Variants in MAST4 observed in about 807,000 individuals in gnomAD.
MAST4 encodes microtubule associated serine/threonine kinase family member 4.
In MAST4, 89 loss-of-function variants were observed where a neutral mutation model predicts 162.7. The observed-to-expected ratio is 0.55, with a 90% CI of 0.46 to 0.65. The LOEUF (loss-of-function observed/expected upper bound fraction) is 0.65. Ranked by LOEUF, MAST4 falls within the 30% of genes least tolerant of loss-of-function variation. The pLI, the probability that MAST4 is intolerant of heterozygous loss-of-function variation, is 0.00. For missense variants in MAST4, 3,153 were observed against 3,374.0 expected, an observed-to-expected ratio of 0.93 and a Z score of 1.62; for synonymous variants, 1,479 against 1,361.1, an observed-to-expected ratio of 1.09 and a Z score of -1.91.
intron 4 of MAST4, among the ~76,000 whole-genome samples, chr5:67,038,380 C>T (rs1756302110): frequency 6.6e-6 from 1 of 152,094 alleles, no homozygotes; most frequent in Non-Finnish European, 1.5e-5. Flanking sequence ...AGTCACCCTC[C>T]CTAGACTTCC....
intron 4 of MAST4, chr5:67,001,886 T>A (rs1751339747): frequency 6.6e-6 from 1 of 152,244 alleles, no homozygotes; most frequent in Non-Finnish European, 1.5e-5. Context: ...TCTCATAGTT[T>A]CACATAGCTG....
At chr5:66,968,628 C>T (rs1259504415) in intron 4 of MAST4, among the ~76,000 whole-genome samples, 3 of 152,092 alleles carry the variant, frequency 2.0e-5, no homozygotes, top group African/African-American at 4.8e-5. Context: ...TGTATTATTC[C>T]CTGGGACTCA....
In MAST4 at chr5:67,163,568, C is replaced by T. The variant is rs752380217; in HGVS notation, c.4389C>T (p.Ser1463=). The change falls in exon 29 of 29, where the codon TCC becomes TCT. Residue 1463 remains serine, a synonymous_variant. Coordinates refer to ENST00000403625, the MANE Select transcript of MAST4 (RefSeq NM_001164664.2). This position sits in a 1 kb window ranked among gnomAD's most constrained non-coding sequence, Gnocchi z 7.0. ...GCAGTGACAAGAAGCACCTGTGCTC[C>T]CGCAAGCACAGCCTGGAGGTGACCC... ...SYGSDKKHLC[S]RKHSLEVTQE... is the part of the protein sequence containing the mutation. 1 of 1,594,942 alleles carries T rather than the reference C, an allele frequency of 6.3e-7. No individual in the cohort carries two copies. Among genetic ancestry groups the T allele is most frequent in the African/African-American group, 1.3e-5 (1 of 74,580 alleles).
rs764589271 is a variant in MAST4, at chr5:67,114,097, C to T, written c.1469C>T (p.Pro490Leu). ...ATTGTCTTCGGCTAGGAATTTGATCCGGAAGAATTTTACTACCTATTGGAA... is the reference window on the plus strand; with the variant it reads ...ATTGTCTTCGGCTAGGAATTTGATCTGGAAGAATTTTACTACCTATTGGAA... ...ARLLECLEFD[P>L]EEFYYLLEAA... The change falls in exon 12 of 29, where the codon CCG becomes CTG. Residue 490 changes from proline to leucine, a missense_variant. Physicochemically the swap from Pro to Leu is moderately conservative, Grantham distance 98. Transcript: ENST00000403625. 4.9e-5 allele frequency: 79 copies of T among 1,613,544 alleles called. No homozygotes were observed. Among genetic ancestry groups the T allele is most frequent in the Non-Finnish European group, 6.1e-5 (72 of 1,179,752 alleles).
intron 3 of MAST4, among the ~76,000 whole-genome samples, chr5:66,849,928 A>G (rs1318931531): frequency 1.3e-5 from 2 of 152,208 alleles, no homozygotes; most frequent in Non-Finnish European, 2.9e-5. Context: ...AGGTCTGCTT[A>G]GATGTTAATG....
intron 2 of MAST4, 75 bp downstream of exon 2, chr5:66,759,937 A>G (rs1417697774): frequency 2.6e-6 from 4 of 1,510,418 alleles, no homozygotes; most frequent in East Asian, 2.3e-5. Context: ...AGAGTTCCAC[A>G]TGTAATCAGC....
chr5:66,934,850 C>A (rs1742559275), intron 4 of MAST4, among the ~76,000 whole-genome samples: 1 of 152,128 alleles, frequency 6.6e-6, no homozygotes, highest in Admixed American at 6.5e-5. Context: ...GTAAAAAGGT[C>A]TCTGCCGTCA....
At chr5:67,108,649 A>G (rs1335530113) in intron 10 of MAST4, among the ~76,000 whole-genome samples, 1 of 151,946 alleles carries the variant, frequency 6.6e-6, no homozygotes, top group Non-Finnish European at 1.5e-5. Flanking sequence ...TTTTCCTTTT[A>G]TTTTAATGTC....
intron 4 of MAST4, among the ~76,000 whole-genome samples, chr5:66,978,341 C>G (rs1173239486): frequency 6.6e-6 from 1 of 152,152 alleles, no homozygotes; most frequent in Non-Finnish European, 1.5e-5. Flanking sequence ...TCTAGTTATT[C>G]TGTGTTTTAA....
At chr5:66,822,910 AT>A (rs1296168865) in intron 3 of MAST4, among the ~76,000 whole-genome samples, 1 of 152,186 alleles carries the variant, frequency 6.6e-6, no homozygotes, top group South Asian at 2.1e-4. Context: ...TTGGTATCTT[AT>A]CCCAGCTGAT....
intron 5 of MAST4, among the ~76,000 whole-genome samples, chr5:67,074,542 A>G (rs544448032): frequency 2.6e-5 from 4 of 152,174 alleles, no homozygotes; most frequent in Admixed American, 6.5e-5. Flanking sequence ...GAAACACCCT[A>G]AACATTAAAT....
chr5:66,629,293 A>T (rs1744646748), intron 1 of MAST4, among the ~76,000 whole-genome samples: 1 of 152,172 alleles, frequency 6.6e-6, no homozygotes, highest in Non-Finnish European at 1.5e-5. Context: ...TCTGGTTTTG[A>T]CACTGGTGGT....
intron 3 of MAST4, among the ~76,000 whole-genome samples, chr5:66,826,231 G>A (rs906116005): frequency 2.6e-5 from 4 of 151,354 alleles, no homozygotes; most frequent in African/African-American, 9.7e-5. Flanking sequence ...ACAGGTAATC[G>A]ATATTTTTTC....
At chr5:67,115,625 C>T (rs1766801878) in intron 12 of MAST4, among the ~76,000 whole-genome samples, 1 of 152,214 alleles carries the variant, frequency 6.6e-6, no homozygotes, top group Non-Finnish European at 1.5e-5. Flanking sequence ...AAATTACCAT[C>T]TTTACCTTTT....
Position 66,911,439 on chromosome 5 carries a change from C to A in MAST4, c.674+11457C>A, listed in dbSNP as rs77332492. Among the ~76,000 whole-genome samples the A allele has an allele frequency of 5.4e-3, 820 of 151,904 alleles. 4 individuals are homozygous for A. The highest frequency in any genetic ancestry group is 0.019 in the African/African-American group (770 of 41,412). The stretch of plus-strand genomic sequence containing the variant: ...AGTTCAGGCTGGATGCAGTTGCTTA[C>A]TCCTATAATGCCAGCACTTGGAGAG... On this transcript the variant is annotated intron_variant, in intron 4 of 28. Transcript: ENST00000403625.
rs573667865 is a variant in MAST4 at position 66,619,255 on chromosome 5, G to A, written c.363+22237G>A. Among the ~76,000 whole-genome samples, 12 of 152,270 alleles carry A rather than the reference G, an allele frequency of 7.9e-5. No individual in the cohort carries two copies. In the South Asian group the frequency reaches 1.0e-3, roughly 13 times the overall value. Reference sequence around the variant, plus strand: ...TCTTTGAGCTCAAAACACATCAGGGGCTTGCTGGGTACCAAATTATGCTGT... The same window carrying A: ...TCTTTGAGCTCAAAACACATCAGGGACTTGCTGGGTACCAAATTATGCTGT... On this transcript the variant is annotated intron_variant, in intron 1 of 28. Coordinates refer to ENST00000403625, the MANE Select transcript of MAST4 (RefSeq NM_001164664.2).
chr5:66,641,865 T>C (rs985131126), intron 1 of MAST4, among the ~76,000 whole-genome samples: 6 of 152,358 alleles, frequency 3.9e-5, no homozygotes, highest in East Asian at 1.9e-4. Context: ...CTTTGAAGGA[T>C]TGGCTTGTTA....
intron 4 of MAST4, among the ~76,000 whole-genome samples, chr5:66,993,931 C>CACA (rs1554078109): frequency 9.2e-6 from 1 of 108,774 alleles, no homozygotes; most frequent in Non-Finnish European, 1.9e-5. Flanking sequence ...CCCCCCCCCC[C>CACA]ACCCCACCAA....
chr5:66,758,429 T>A (rs187319709), intron 1 of MAST4, among the ~76,000 whole-genome samples: 56 of 152,114 alleles, frequency 3.7e-4, no homozygotes, highest in African/African-American at 1.2e-3. Context: ...TTTTTATTTA[T>A]TTTTTGAGAT....
Sources: allele counts gnomAD v4.1 joint callset (sites outside exome capture counted in the v4.1 genomes callset), GRCh38; gene constraint gnomAD v4.1.1; non-coding constraint Gnocchi (gnomAD v3.1); transcripts MANE v1.5; gene names NCBI Gene and HGNC (gene_info 2026-07-23, HGNC 2026-07-21).